VWF: variants seen among roughly 807,000 people sequenced by gnomAD.
The protein encoded by VWF is von Willebrand factor.
In VWF, 176 loss-of-function variants were observed where a neutral mutation model predicts 308.6. The ratio of observed to expected loss-of-function variants is 0.57; its 90% CI spans 0.50 to 0.65. The LOEUF is 0.65. Ranked by LOEUF, VWF falls within the 30% of genes least tolerant of loss-of-function variation. The pLI, the probability that VWF is intolerant of heterozygous loss-of-function variation, is 0.00. For missense variants in VWF, 3,146 were observed against 3,648.2 expected (o/e 0.86, Z 3.55); for synonymous variants, 1,385 against 1,443.4 (o/e 0.96, Z 0.92).
Position 6,023,718 on chromosome 12 carries a change from C to A in VWF, c.3292G>T (p.Ala1098Ser). ...GCAGCAATGGTGTCGCAGAAGCAGG[C>A]GCAGTCCCCAATGGACTCACAGGAG... is the stretch of plus-strand genomic sequence containing the variant. ...TCSCESIGDC[A>S]CFCDTIAAYA... is the part of the protein sequence containing the mutation. Residue 1098 changes from alanine (A) to serine (S), a missense_variant, in exon 25 of 52, where the codon GCC becomes TCC. Physicochemically the swap from Ala to Ser is moderately conservative, Grantham distance 99. Coordinates refer to ENST00000261405, the MANE Select transcript of VWF (RefSeq NM_000552.5). The A allele has an allele frequency of 1.9e-6, 3 of 1,613,884 alleles. No homozygotes were observed. Among genetic ancestry groups the A allele is most frequent in the Non-Finnish European group, 2.5e-6 (3 of 1,180,008 alleles).
intron 48 of VWF, 140 bp from the exon 49 acceptor site, chr12:5,952,659 CCACACCCAGAA>C (rs1943205279): frequency 1.0e-5 from 12 of 1,204,024 alleles, no homozygotes; most frequent in Non-Finnish European, 1.4e-5. Context: ...AATAAAGCCC[CCACACCCAGAA>C]CACAGACCAG....
At position 6,057,884 on chromosome 12, in the gene VWF, T is replaced by C; in HGVS notation, c.1694A>G (p.Gln565Arg). 1 of 1,611,814 alleles carries C rather than the reference T, an allele frequency of 6.2e-7. No individual in the cohort carries two copies. Among genetic ancestry groups the C allele is most frequent in the Non-Finnish European group, 8.5e-7 (1 of 1,178,848 alleles). Residue 565 changes from glutamine to arginine, a missense_variant, in exon 14 of 52, where the codon CAG becomes CGG. Around this residue, in one of 3 missense-constraint regions of VWF, gnomAD observed 1,304 missense variants for 1,353.0 expected, o/e 0.96. Coordinates refer to ENST00000261405, the MANE Select transcript of VWF (RefSeq NM_000552.5). ...LHGDCQDLQK[Q>R]HSDPCALNPR... ...GTTGAGGGCGCAGGGATCGCTGTGC[T>C]GCTTCTGCAGGTCCTGGCAGTCCCC...
At chr12:6,045,242 G>A (rs1944435836) in intron 17 of VWF, among the ~76,000 whole-genome samples, 1 of 152,150 alleles carries the variant, frequency 6.6e-6, no homozygotes, top group Non-Finnish European at 1.5e-5. Context: ...CAAAGCCCAG[G>A]TGCACTTAAT....
rs1018971101 is a variant in VWF, at chr12:6,077,171, G to A, written c.658-1620C>T. Among the ~76,000 whole-genome samples, 9 of 152,218 alleles carry A rather than the reference G, an allele frequency of 5.9e-5. No individual in the cohort carries two copies. The East Asian group carries it at 1.5e-3, about 26-fold the overall frequency. ...CTGAAAATATAAAACTTAGTGGGGC[G>A]TGGTGGCGCATGCTTGTAATCCCAG... is the stretch of plus-strand genomic sequence containing the variant. On this transcript the variant is annotated intron_variant, in intron 6 of 51. Coordinates refer to ENST00000261405, the MANE Select transcript of VWF (RefSeq NM_000552.5).
In VWF at chr12:6,060,490, G is replaced by A. The variant is rs1433949599; in HGVS notation, c.1534-2446C>T. ...AAAAGCCCTGGTGTCAGTATTCTGA[G>A]GCTCCCCACCTCCTGCCCCAACTCA... is the stretch of plus-strand genomic sequence containing the variant. On this transcript the variant is annotated intron_variant, in intron 13 of 51. Transcript: ENST00000261405. The surrounding 1 kb of genome is among the most constrained non-coding windows in gnomAD (Gnocchi z 5.1). Among the ~76,000 whole-genome samples the A allele has an allele frequency of 6.6e-6, 1 of 152,040 alleles. No homozygotes were observed. Among genetic ancestry groups the A allele is most frequent in the African/African-American group, 2.4e-5 (1 of 41,384 alleles).
chr12:6,121,417 T>G, intron 2 of VWF, 79 bp from the exon 3 acceptor site: 1 of 1,540,772 alleles, frequency 6.5e-7, no homozygotes, highest in Admixed American at 1.9e-5. Flanking sequence ...TCTGGCCTCG[T>G]AGAAATTAGA....
rs893796306 is a variant in VWF, at chr12:6,030,274, C to T, written c.2821-786G>A. ...CACACCTCCTGTTCAGCATCATCAC[C>T]GCCACTCTGCCCTAAATAGAGCTGT... On this transcript the variant is annotated intron_variant, in intron 21 of 51. Transcript: ENST00000261405. 3.9e-5 allele frequency among the ~76,000 whole-genome samples: 6 copies of T among 152,178 alleles called. No individual in the cohort carries two copies. The East Asian group carries it at 5.8e-4, about 15-fold the overall frequency.
intron 6 of VWF, among the ~76,000 whole-genome samples, chr12:6,090,976 A>T (rs899238101): frequency 6.6e-6 from 1 of 152,134 alleles, no homozygotes; most frequent in African/African-American, 2.4e-5. Context: ...CCCTCCCCTC[A>T]CGTGCTAGAA....
chr12:5,954,164 A>G lies in VWF; in HGVS notation c.7888-570T>C, dbSNP rs532064406. On this transcript the variant is annotated intron_variant, in intron 47 of 51. Coordinates refer to ENST00000261405, the MANE Select transcript of VWF (RefSeq NM_000552.5). The stretch of plus-strand genomic sequence containing the variant: ...ATCATCTACCAGGGACTCTGGTAAT[A>G]GTCTTATTTTGTCTTCCTACCTTCA... Among the ~76,000 whole-genome samples, 17 of 152,300 alleles carry G rather than the reference A, an allele frequency of 1.1e-4. No homozygotes were observed. In the East Asian group the frequency reaches 3.1e-3, roughly 28 times the overall value.
intron 3 of VWF, among the ~76,000 whole-genome samples, chr12:6,120,120 G>A (rs1046508237): frequency 4.6e-5 from 7 of 152,178 alleles, no homozygotes; most frequent in Admixed American, 3.3e-4. Flanking sequence ...GGCACATGGA[G>A]GACCCTGTGT....
chr12:5,987,236 T>C (rs1413453063), intron 38 of VWF, among the ~76,000 whole-genome samples: 3 of 152,212 alleles, frequency 2.0e-5, no homozygotes, highest in African/African-American at 7.2e-5. Flanking sequence ...CCCAAATCCA[T>C]GGTTTTAAAC....
At position 6,112,850 on chromosome 12, in the gene VWF, AC is replaced by A. The variant is rs1192389310; in HGVS notation, c.221-1883del. Among the ~76,000 whole-genome samples the A allele has an allele frequency of 2.7e-5, 4 of 148,192 alleles. No individual in the cohort carries two copies. In the South Asian group the frequency reaches 8.5e-4, roughly 31 times the overall value. Reference sequence around the variant, plus strand: ...CAGACACACACACACACACACACACACACCACACGCACACACACCATGCACA... The same window carrying A: ...CAGACACACACACACACACACACACAACCACACGCACACACACCATGCACA... On this transcript the variant is annotated intron_variant, in intron 3 of 51. Coordinates refer to ENST00000261405, the MANE Select transcript of VWF (RefSeq NM_000552.5).
At chr12:5,952,892 T>C (rs1053272782) in intron 48 of VWF, among the ~76,000 whole-genome samples, 8 of 152,148 alleles carry the variant, frequency 5.3e-5, no homozygotes, top group Non-Finnish European at 8.8e-5. Flanking sequence ...TGATGGCCTG[T>C]CCAGTCTTAC....
intron 32 of VWF, 150 bp downstream of exon 32, chr12:6,013,331 A>T: frequency 1.0e-6 from 1 of 975,218 alleles, no homozygotes; most frequent in Non-Finnish European, 1.6e-6. Flanking sequence ...ACAGAAACTT[A>T]AAGGTCCTGG....
chr12:6,108,586 GT>G (rs1288676331), intron 5 of VWF, among the ~76,000 whole-genome samples: 3 of 139,358 alleles, frequency 2.2e-5, no homozygotes, highest in African/African-American at 8.0e-5. Context: ...TAGAACACTT[GT>G]AAAAAAAAAA....
rs772515993 is a variant in VWF, at chr12:6,121,300, T to C, written c.94A>G (p.Thr32Ala). Reference sequence around the variant, plus strand: ...CTTCCGAAAAGGCTGCATCGGGCCGTGGATGACCTGCCGCGAGTTCCTTCT... The same window carrying C: ...CTTCCGAAAAGGCTGCATCGGGCCGCGGATGACCTGCCGCGAGTTCCTTCT... Reference protein sequence around the residue: ...CAEGTRGRSSTARCSLFGSDF... With the variant: ...CAEGTRGRSSAARCSLFGSDF... The change falls in exon 3 of 52, where the codon ACG (threonine) becomes GCG (alanine). Residue 32 changes from threonine to alanine, a missense_variant. Physicochemically the swap from Thr to Ala is moderately conservative, Grantham distance 58. This residue lies in a region of VWF where 1,304 missense variants were observed against 1,353.0 expected (regional missense o/e 0.96). Transcript: ENST00000261405. 17 of 1,614,084 alleles carry C rather than the reference T, an allele frequency of 1.1e-5. No individual in the cohort carries two copies. The highest frequency in any genetic ancestry group is 5.0e-5 in the Admixed American group (3 of 59,992).
chr12:5,962,295 G>A (rs998028092), intron 47 of VWF, among the ~76,000 whole-genome samples: 16 of 151,842 alleles, frequency 1.1e-4, no homozygotes, highest in African/African-American at 3.4e-4. Context: ...AATATAATCC[G>A]GCACACTTTA....
intron 18 of VWF, among the ~76,000 whole-genome samples, chr12:6,043,151 T>A (rs775102081): frequency 3.3e-5 from 5 of 152,222 alleles, no homozygotes; most frequent in Non-Finnish European, 7.4e-5. Flanking sequence ...AAAAGACAGT[T>A]CCAAAACCCT....
chr12:5,951,251 C>G (rs1943186719), intron 50 of VWF, among the ~76,000 whole-genome samples: 1 of 152,076 alleles, frequency 6.6e-6, no homozygotes, highest in Non-Finnish European at 1.5e-5. Flanking sequence ...CTGCTGTGAG[C>G]AATGAGAACC....
Sources: gnomAD v4.1 joint callset for allele counts (sites outside exome capture counted in the v4.1 genomes callset) on GRCh38, gnomAD v4.1.1 for gene constraint, gnomAD v4.1.1 regional missense constraint, Gnocchi (gnomAD v3.1) non-coding constraint, MANE v1.5 for transcripts, NCBI Gene and HGNC (gene_info 2026-07-23, HGNC 2026-07-21) for gene names.